CADM2: variants seen among roughly 807,000 people sequenced by gnomAD.
CADM2 encodes immunoglobulin superfamily member 4D.
In CADM2, 12 loss-of-function variants were observed where a neutral mutation model predicts 49.8. The ratio of observed to expected loss-of-function variants is 0.24; its 90% CI spans 0.15 to 0.39. CADM2 has a LOEUF of 0.39. Among genes scored for constraint, CADM2 ranks in the 10% least tolerant of loss-of-function variants. The pLI, the probability that CADM2 is intolerant of heterozygous loss-of-function variation, is 1.00. For synonymous variants in CADM2, 214 were observed against 175.4 expected (o/e 1.22, Z -1.74); for missense variants, 378 against 492.3 (o/e 0.77, Z 2.20).
At chr3:85,673,124 A>C (rs1043533381) in intron 1 of CADM2, among the ~76,000 whole-genome samples, 10 of 152,206 alleles carry the variant, frequency 6.6e-5, no homozygotes, top group Admixed American at 2.6e-4. Flanking sequence ...ACCTAAGGAC[A>C]CAGCACCAGG....
At chr3:85,859,849 A>G (rs2075456450) in intron 3 of CADM2, among the ~76,000 whole-genome samples, 1 of 152,170 alleles carries the variant, frequency 6.6e-6, no homozygotes, top group African/African-American at 2.4e-5. Context: ...TTTTGGTTGG[A>G]ATTTTGACAA....
intron 8 of CADM2, among the ~76,000 whole-genome samples, chr3:86,022,844 A>G (rs1018370483): frequency 6.6e-6 from 1 of 152,134 alleles, no homozygotes; most frequent in African/African-American, 2.4e-5. Context: ...ATTTTGGCTT[A>G]CTTTTCACAG....
intron 1 of CADM2, among the ~76,000 whole-genome samples, chr3:85,038,214 GATC>G (rs1307883740): frequency 6.6e-6 from 1 of 152,138 alleles, no homozygotes; most frequent in Non-Finnish European, 1.5e-5. Context: ...AGCAGCGTAT[GATC>G]ATCATTTTGT....
In CADM2 at chr3:85,692,842, A is replaced by G. The variant is rs1045229390; in HGVS notation, c.62-33680A>G. 2.0e-5 allele frequency among the ~76,000 whole-genome samples: 3 copies of G among 152,314 alleles called. No homozygotes were observed. In the East Asian group the frequency reaches 5.8e-4, roughly 29 times the overall value. ...TTCTTATTTTCCACAAAGAAAGCTC[A>G]TTAAGCTTATTTTGATGACTCAGAA... On this transcript the variant is annotated intron_variant, in intron 1 of 9. Transcript: ENST00000383699.
intron 3 of CADM2, among the ~76,000 whole-genome samples, chr3:85,856,886 G>A (rs1342801263): frequency 6.6e-6 from 1 of 152,102 alleles, no homozygotes; most frequent in Admixed American, 6.5e-5. Flanking sequence ...GGGTAGGATG[G>A]GCAAATCAGC....
At chr3:85,744,265 A>T (rs1385492142) in intron 2 of CADM2, among the ~76,000 whole-genome samples, 1 of 152,178 alleles carries the variant, frequency 6.6e-6, no homozygotes, top group Admixed American at 6.6e-5. Context: ...ACAAATAAAT[A>T]GTTACAAAGA....
At position 86,065,633 on chromosome 3, in the gene CADM2, C is replaced by T; in HGVS notation, c.999C>T (p.Gly333=). 1.9e-6 allele frequency: 3 copies of T among 1,613,756 alleles called. No individual in the cohort carries two copies. The highest frequency in any genetic ancestry group is 2.5e-6 in the Non-Finnish European group (3 of 1,179,796). The part of the protein sequence containing the change: ...HDPNALAGQN[G]PDHALIGGIV... ...CTAATGCTTTGGCTGGCCAGAATGGCCCTGACCATGCTCTCATAGGAGGAA... is the reference window on the plus strand; with the variant it reads ...CTAATGCTTTGGCTGGCCAGAATGGTCCTGACCATGCTCTCATAGGAGGAA... Residue 333 remains glycine, a synonymous_variant, in exon 9 of 10, where the codon GGC becomes GGT. Coordinates refer to ENST00000383699, the MANE Select transcript of CADM2 (RefSeq NM_001167675.2).
At chr3:86,010,764 T>A (rs1285658770) in intron 8 of CADM2, among the ~76,000 whole-genome samples, 1 of 151,316 alleles carries the variant, frequency 6.6e-6, no homozygotes, top group African/African-American at 2.4e-5. Context: ...GTCAGTAAAA[T>A]AATCAATAGC....
intron 8 of CADM2, among the ~76,000 whole-genome samples, chr3:86,045,943 C>T (rs568335205): frequency 1.3e-5 from 2 of 152,128 alleles, no homozygotes; most frequent in Non-Finnish European, 2.9e-5. Flanking sequence ...GTGTCAGATT[C>T]TAACAGAAAA....
intron 1 of CADM2, among the ~76,000 whole-genome samples, chr3:85,610,577 G>T (rs896757139): frequency 4.6e-5 from 7 of 151,826 alleles, no homozygotes; most frequent in Non-Finnish European, 8.8e-5. Flanking sequence ...TGAATTGCAT[G>T]GAAACTAAGG....
At chr3:85,889,511 G>A (rs1714132085) in intron 5 of CADM2, among the ~76,000 whole-genome samples, 2 of 152,104 alleles carry the variant, frequency 1.3e-5, no homozygotes, top group African/African-American at 2.4e-5. Context: ...GATCACTTTG[G>A]TATGAAAAAT....
At chr3:85,398,420 G>T (rs1012516334) in intron 1 of CADM2, among the ~76,000 whole-genome samples, 1 of 152,148 alleles carries the variant, frequency 6.6e-6, no homozygotes, top group African/African-American at 2.4e-5. Flanking sequence ...GGACATTTGG[G>T]TTGGTTCCAA....
chr3:85,566,735 T>A (rs184951241), intron 1 of CADM2, among the ~76,000 whole-genome samples: 138 of 152,254 alleles, frequency 9.1e-4, no homozygotes, highest in African/African-American at 3.1e-3. Flanking sequence ...ATTACAAACT[T>A]GCAGCACTTT....
intron 1 of CADM2, among the ~76,000 whole-genome samples, chr3:84,986,638 G>A (rs1049369066): frequency 6.6e-6 from 1 of 151,714 alleles, no homozygotes; most frequent in Non-Finnish European, 1.5e-5. Context: ...AGCATTAGGA[G>A]ATATACCTAA....
intron 8 of CADM2, among the ~76,000 whole-genome samples, chr3:86,009,820 G>T (rs1388711386): frequency 6.6e-6 from 1 of 151,612 alleles, no homozygotes; most frequent in Non-Finnish European, 1.5e-5. Flanking sequence ...TAAAAATTGT[G>T]TATATACAAC....
At chr3:85,706,311 G>T (rs2066950129) in intron 1 of CADM2, among the ~76,000 whole-genome samples, 1 of 152,080 alleles carries the variant, frequency 6.6e-6, no homozygotes, top group South Asian at 2.1e-4. Flanking sequence ...TATCCAATTT[G>T]CCTGTTTTAT....
At chr3:85,733,146 C>T (rs771702563) in intron 2 of CADM2, among the ~76,000 whole-genome samples, 5 of 152,178 alleles carry the variant, frequency 3.3e-5, no homozygotes, top group Non-Finnish European at 7.4e-5. Context: ...CTGTCATTCA[C>T]TTACCTTATG....
chr3:85,914,058 T>G (rs912938077), intron 6 of CADM2, among the ~76,000 whole-genome samples: 10 of 152,164 alleles, frequency 6.6e-5, no homozygotes, highest in Non-Finnish European at 1.5e-4. Context: ...ATGGAAAATA[T>G]AAAGCTGACT....
intron 1 of CADM2, among the ~76,000 whole-genome samples, chr3:85,079,964 G>A (rs2037101791): frequency 6.6e-6 from 1 of 151,590 alleles, no homozygotes; most frequent in Non-Finnish European, 1.5e-5. Flanking sequence ...ATACACTATT[G>A]GAAACCAAAA....
Sources: allele counts gnomAD v4.1 joint callset (sites outside exome capture counted in the v4.1 genomes callset), GRCh38; gene constraint gnomAD v4.1.1; transcripts MANE v1.5; gene names NCBI Gene and HGNC (gene_info 2026-07-23, HGNC 2026-07-21).